Variants in ACAD11 observed in about 807,000 individuals in gnomAD.
ACAD11 encodes the protein acyl-Coenzyme A dehydrogenase family, member 11.
A neutral mutation model predicts 102.2 loss-of-function variants in ACAD11; 83 were observed. The observed-to-expected ratio is 0.81, with a 90% CI of 0.68 to 0.97. The LOEUF (loss-of-function observed/expected upper bound fraction) is 0.97. ACAD11 is among the 50% of genes least tolerant of loss of function. The probability of loss-of-function intolerance (pLI) is 0.00; values close to 1 mark genes in which losing one functional copy is unlikely to be tolerated. For missense variants in ACAD11, 901 were observed against 951.7 expected (o/e 0.95, Z 0.70); for synonymous variants, 324 against 319.8 (o/e 1.01, Z -0.14).
In ACAD11 at chr3:132,645,279, T is replaced by C. The variant is rs1940675091; in HGVS notation, c.150-383A>G. Among the ~76,000 whole-genome samples, 7 of 152,228 alleles carry C rather than the reference T, an allele frequency of 4.6e-5. No individual in the cohort carries two copies. In the South Asian group the frequency reaches 1.4e-3, roughly 32 times the overall value. On this transcript the variant is annotated intron_variant, in intron 1 of 19. Transcript: ENST00000264990. Reference sequence around the variant, plus strand: ...ATCAGTCAGAAAATGAATTAAAAGATGCAGGAACAGCTGGCTTAATGCCCC... The same window carrying C: ...ATCAGTCAGAAAATGAATTAAAAGACGCAGGAACAGCTGGCTTAATGCCCC...
chr3:132,645,923 G>C (rs1332411100), intron 1 of ACAD11: 1 of 151,968 alleles, frequency 6.6e-6, no homozygotes, highest in Non-Finnish European at 1.5e-5. Context: ...AGGCTATGCT[G>C]TCTTTATTGA....
intron 11 of ACAD11, chr3:132,618,203 T>C (rs1204092277): frequency 6.3e-6 from 1 of 158,546 alleles, no homozygotes; most frequent in Non-Finnish European, 1.4e-5. Flanking sequence ...GATATATCAT[T>C]GTGAGAACAT....
chr3:132,659,667 G>C lies in ACAD11; in HGVS notation c.85C>G (p.Leu29Val), dbSNP rs144740482. The change falls in exon 1 of 20, where the codon CTA becomes GTA. Residue 29 changes from leucine (L) to valine (V), a missense_variant. Transcript: ENST00000264990. ...KFDSKSLEAYLNQHLSGFGAE... is the reference protein window; with the variant it reads ...KFDSKSLEAYVNQHLSGFGAE... ...CCAAAGCCAGACAAGTGCTGGTTTA[G>C]GTAGGCCTCCAGGGACTTGCTGTCG... The C allele has an allele frequency of 5.0e-6, 8 of 1,611,706 alleles. No individual in the cohort carries two copies. Among genetic ancestry groups the C allele is most frequent in the African/African-American group, 1.3e-5 (1 of 74,764 alleles).
At chr3:132,618,094 T>C (rs1469063037) in intron 11 of ACAD11, among the ~76,000 whole-genome samples, 1 of 152,024 alleles carries the variant, frequency 6.6e-6, no homozygotes, top group Non-Finnish European at 1.5e-5. Context: ...ACTTATTACG[T>C]AAGTTTGAAG....
At chr3:132,579,031 C>G in intron 14 of ACAD11, 150 bp from the exon 15 acceptor site, 1 of 1,517,046 alleles carries the variant, frequency 6.6e-7, no homozygotes, top group Non-Finnish European at 8.8e-7. Context: ...AGACGTACAC[C>G]AACATAGTCT....
At chr3:132,632,340 C>T (rs544215249) in intron 5 of ACAD11, among the ~76,000 whole-genome samples, 37 of 152,146 alleles carry the variant, frequency 2.4e-4, no homozygotes, top group South Asian at 4.2e-4. Flanking sequence ...CCGCCTTGGC[C>T]GCCCAAAGGG....
At chr3:132,659,387 A>G (rs1269721782) in intron 1 of ACAD11, 1 of 584,092 alleles carries the variant, frequency 1.7e-6, no homozygotes, top group African/African-American at 1.9e-5. Flanking sequence ...TAGAATGGTG[A>G]ACGTTATTGC....
In ACAD11 at chr3:132,559,476, G is replaced by A. The variant is rs573642584; in HGVS notation, c.2228+357C>T. ...AGGTGACACTGTAATTATGTGTGGA[G>A]ATGGACAGATGGGGAATGGAGAATG... On this transcript the variant is annotated intron_variant, in intron 19 of 19. Transcript: ENST00000264990. 3.9e-5 allele frequency among the ~76,000 whole-genome samples: 6 copies of A among 152,204 alleles called. No individual in the cohort carries two copies. The South Asian group carries it at 1.2e-3, about 32-fold the overall frequency.
chr3:132,575,093 C>A (rs1457677492), intron 17 of ACAD11, among the ~76,000 whole-genome samples: 1 of 152,060 alleles, frequency 6.6e-6, no homozygotes, highest in East Asian at 1.9e-4. Flanking sequence ...GCAACCCACC[C>A]GCCTCGGTCT....
chr3:132,618,483 T>C (rs991802975), intron 11 of ACAD11, 151 bp downstream of exon 11: 2 of 691,984 alleles, frequency 2.9e-6, no homozygotes. Context: ...AATCCATTTC[T>C]TATATTTAAA....
Position 132,575,763 on chromosome 3 carries a change from C to T in ACAD11, c.2001+9G>A, listed in dbSNP as rs955757951. ...GCTACAATAAATTCAAATAAGTAAT[C>T]GTCCTCACATGTGCATACAACTTCT... is the stretch of plus-strand genomic sequence containing the variant. On this transcript the variant is annotated intron_variant, in intron 17 of 19. Transcript: ENST00000264990. The T allele has an allele frequency of 5.6e-6, 9 of 1,613,466 alleles. No homozygotes were observed. Among genetic ancestry groups the T allele is most frequent in the South Asian group, 2.2e-5 (2 of 91,020 alleles).
Position 132,628,458 on chromosome 3 carries a change from CAT to C in ACAD11, c.964-14_964-13del, listed in dbSNP as rs1479828151. ...CTGCTATATACTCCCTATAAATAAACATAGAACAATTAAAATTCATTGAAAAC... is the reference window on the plus strand; with the variant it reads ...CTGCTATATACTCCCTATAAATAAACAGAACAATTAAAATTCATTGAAAAC... On this transcript the variant is annotated splice_polypyrimidine_tract_variant and intron_variant, in intron 7 of 19. Transcript: ENST00000264990. 1 of 1,530,210 alleles carries C rather than the reference CAT, an allele frequency of 6.5e-7. No individual in the cohort carries two copies. Among genetic ancestry groups the C allele is most frequent in the Non-Finnish European group, 8.9e-7 (1 of 1,122,444 alleles). 94.8% of individuals were successfully genotyped at this position (1,530,210 alleles called of 1,614,324 possible).
At chr3:132,567,539 C>T (rs1937251057) in intron 17 of ACAD11, among the ~76,000 whole-genome samples, 1 of 151,848 alleles carries the variant, frequency 6.6e-6, no homozygotes, top group Admixed American at 6.6e-5. Flanking sequence ...CACAGGAATG[C>T]AGGAAAAGGA....
intron 11 of ACAD11, among the ~76,000 whole-genome samples, chr3:132,610,654 C>T (rs1039688945): frequency 6.6e-6 from 1 of 151,952 alleles, no homozygotes; most frequent in Non-Finnish European, 1.5e-5. Context: ...ACACATACAC[C>T]CTCCCAAGAC....
At position 132,605,117 on chromosome 3, in the gene ACAD11, G is replaced by A; in HGVS notation, c.1503C>T (p.Thr501=). 1 of 1,612,818 alleles carries A rather than the reference G, an allele frequency of 6.2e-7. No individual in the cohort carries two copies. The change falls in exon 12 of 20, where the codon ACC becomes ACT. Residue 501 remains threonine, a synonymous_variant. Coordinates refer to ENST00000264990, the MANE Select transcript of ACAD11 (RefSeq NM_032169.5). ...ATTTACCTGTCATACAGAAGCAAGA[G>A]GTAATGTTCCCTTGAAGAAGAGGCT... ...WLEPLLQGNI[T]SCFCMTEPDV... is the part of the protein sequence containing the mutation.
At chr3:132,633,427 C>T (rs533699179) in intron 5 of ACAD11, among the ~76,000 whole-genome samples, 1 of 152,268 alleles carries the variant, frequency 6.6e-6, no homozygotes, top group East Asian at 1.9e-4. Flanking sequence ...ATGAAGCCCA[C>T]TTGGTCATGG....
intron 17 of ACAD11, among the ~76,000 whole-genome samples, chr3:132,571,507 A>T (rs1937381288): frequency 6.6e-6 from 1 of 152,092 alleles, no homozygotes; most frequent in Non-Finnish European, 1.5e-5. Flanking sequence ...TAGTTTAATT[A>T]GATTGCATTG....
intron 6 of ACAD11, 91 bp downstream of exon 6, chr3:132,631,250 A>G: frequency 1.4e-6 from 1 of 706,308 alleles, no homozygotes; most frequent in Non-Finnish European, 2.0e-6. Context: ...AAAAACTATT[A>G]TCTAAAATTG....
Position 132,574,187 on chromosome 3 carries a change from G to A in ACAD11, c.2001+1585C>T, listed in dbSNP as rs528619741. Among the ~76,000 whole-genome samples, 34 of 152,284 alleles carry A rather than the reference G, an allele frequency of 2.2e-4. No individual in the cohort carries two copies. In the East Asian group the frequency reaches 5.0e-3, roughly 22 times the overall value. On this transcript the variant is annotated intron_variant, in intron 17 of 19. Transcript: ENST00000264990. ...TGTGCATTCGCGATGCTTGTTTGTC[G>A]ACTTTACTGTGTCCTCCCTTCACCC...
Sources: gnomAD v4.1 joint callset for allele counts (sites outside exome capture counted in the v4.1 genomes callset) on GRCh38, gnomAD v4.1.1 for gene constraint, MANE v1.5 for transcripts, NCBI Gene and HGNC (gene_info 2026-07-23, HGNC 2026-07-21) for gene names.